The following WWOX variants were observed in gnomAD, a reference collection of about 807,000 sequenced individuals.
WWOX encodes the protein WW domain containing oxidoreductase, also known as WW domain-containing oxidoreductase.
In WWOX, 69 loss-of-function variants were observed where a neutral mutation model predicts 46.2. The observed-to-expected ratio is 1.49, with a 90% CI of 1.23 to 1.82. The LOEUF (loss-of-function observed/expected upper bound fraction) is 1.82. Among genes scored for constraint, WWOX ranks in the 40% most tolerant of loss-of-function variants. The pLI is 0.00. For missense variants in WWOX, 919 were observed against 542.6 expected (o/e 1.69, Z -6.89); for synonymous variants, 359 against 202.6 (o/e 1.77, Z -6.56).
intron 5 of WWOX, among the ~76,000 whole-genome samples, chr16:78,216,910 AT>A (rs1255545867): frequency 6.6e-6 from 1 of 152,032 alleles, no homozygotes; most frequent in Non-Finnish European, 1.5e-5. Flanking sequence ...TTTAGTAGAG[AT>A]GGGGTTTCAC....
chr16:78,801,677 G>A (rs1051217499), intron 8 of WWOX, among the ~76,000 whole-genome samples: 1 of 152,170 alleles, frequency 6.6e-6, no homozygotes, highest in African/African-American at 2.4e-5. Context: ...GAGTTTTAAA[G>A]TGAGTGGTGA....
At position 78,363,484 on chromosome 16, in the gene WWOX, T is replaced by C. The variant is rs116926409; in HGVS notation, c.517-23376T>C. On this transcript the variant is annotated intron_variant, in intron 5 of 8. Transcript: ENST00000566780. ...TGTAGTGACAGTGTCTTGCTGTGTT[T>C]CCCAGGCTGTCCTTGAACTCCTGGG... Among the ~76,000 whole-genome samples the C allele has an allele frequency of 6.7e-3, 1,015 of 152,108 alleles. 11 individuals carry two copies. The highest frequency in any genetic ancestry group is 0.031 in the Middle Eastern group (9 of 294).
intron 8 of WWOX, among the ~76,000 whole-genome samples, chr16:78,690,157 G>A (rs150826741): frequency 9.0e-4 from 137 of 152,204 alleles, no homozygotes; most frequent in Non-Finnish European, 1.5e-3. Context: ...CACCGAGCCC[G>A]GCCAGGATAA....
chr16:78,568,627 C>T (rs931369911), intron 8 of WWOX, among the ~76,000 whole-genome samples: 3 of 151,888 alleles, frequency 2.0e-5, no homozygotes, highest in African/African-American at 2.4e-5. Flanking sequence ...AGGCACCCGC[C>T]GCCACACCCA....
At chr16:78,740,325 C>T (rs1032093983) in intron 8 of WWOX, among the ~76,000 whole-genome samples, 1 of 152,142 alleles carries the variant, frequency 6.6e-6, no homozygotes, top group Non-Finnish European at 1.5e-5. Context: ...CGGGGGGCTC[C>T]TGAGAGTTAA....
At chr16:79,172,282 G>A (rs2050714537) in intron 8 of WWOX, among the ~76,000 whole-genome samples, 1 of 152,174 alleles carries the variant, frequency 6.6e-6, no homozygotes, top group South Asian at 2.1e-4. Flanking sequence ...CATGGCACTT[G>A]GCACGTAGGA....
At chr16:79,011,135 C>CCACACACACACA (rs10611855) in intron 8 of WWOX, among the ~76,000 whole-genome samples, 4 of 146,316 alleles carry the variant, frequency 2.7e-5, no homozygotes, top group Non-Finnish European at 6.0e-5. Flanking sequence ...ACTCACACAT[C>CCACACACACACA]CACACACACA....
chr16:78,855,110 T>C (rs6564611), intron 8 of WWOX, among the ~76,000 whole-genome samples: 114,727 of 152,016 alleles, frequency 0.75, 44,263 homozygotes, highest in Middle Eastern at 0.88. Flanking sequence ...TACCTTTGTT[T>C]TTACAAGTGT....
At chr16:78,176,794 A>G (rs1328297483) in intron 5 of WWOX, among the ~76,000 whole-genome samples, 1 of 152,238 alleles carries the variant, frequency 6.6e-6, no homozygotes, top group African/African-American at 2.4e-5. Context: ...TCAAATTGCA[A>G]GCAATAAGAA....
intron 8 of WWOX, among the ~76,000 whole-genome samples, chr16:78,447,011 T>G (rs1026224544): frequency 6.6e-6 from 1 of 152,166 alleles, no homozygotes; most frequent in African/African-American, 2.4e-5. Context: ...TTTGTTATAC[T>G]GGAAGGTCAT....
At chr16:78,841,175 C>A (rs1301782839) in intron 8 of WWOX, among the ~76,000 whole-genome samples, 1 of 152,152 alleles carries the variant, frequency 6.6e-6, no homozygotes, top group Non-Finnish European at 1.5e-5. Context: ...ACTGGGTCTT[C>A]CAGAAATGCA....
chr16:78,547,241 T>C (rs2667648), intron 8 of WWOX, among the ~76,000 whole-genome samples: 104,850 of 151,384 alleles, frequency 0.69, 37,493 homozygotes, highest in East Asian at 0.82. Context: ...GCCTTTACAT[T>C]GGAGACACTA....
chr16:78,688,262 A>C (rs1339256504), intron 8 of WWOX, among the ~76,000 whole-genome samples: 1 of 151,482 alleles, frequency 6.6e-6, no homozygotes, highest in African/African-American at 2.4e-5. Context: ...GCTTGGTTTT[A>C]TTTCTTGTTG....
At chr16:78,784,711 C>G (rs1465375730) in intron 8 of WWOX, among the ~76,000 whole-genome samples, 5 of 152,144 alleles carry the variant, frequency 3.3e-5, no homozygotes, top group South Asian at 2.1e-4. Flanking sequence ...TGCCCCCAGT[C>G]AGGTGGTTGA....
chr16:78,825,181 TTCCA>T (rs2051615774), intron 8 of WWOX: 1 of 157,130 alleles, frequency 6.4e-6, no homozygotes, highest in African/African-American at 2.4e-5. Context: ...CCCAGGTGTG[TTCCA>T]TGGGCAGCGT....
At chr16:78,653,722 C>G (rs1217104330) in intron 8 of WWOX, among the ~76,000 whole-genome samples, 5 of 152,180 alleles carry the variant, frequency 3.3e-5, no homozygotes. Flanking sequence ...ATTCAGCTGT[C>G]CTATGGGCCT....
chr16:78,280,197 T>C (rs1220404843), intron 5 of WWOX, among the ~76,000 whole-genome samples: 5 of 152,194 alleles, frequency 3.3e-5, no homozygotes, highest in Non-Finnish European at 7.3e-5. Flanking sequence ...CCAGTTTTTC[T>C]CCCCCACTTT....
At chr16:78,698,480 T>G (rs2142287515) in intron 8 of WWOX, among the ~76,000 whole-genome samples, 2 of 152,356 alleles carry the variant, frequency 1.3e-5, no homozygotes, top group Non-Finnish European at 2.9e-5. Context: ...CATTTCTTAT[T>G]ATTCTGTTTA....
At chr16:78,873,038 C>T (rs1290216047) in intron 8 of WWOX, 3 of 152,308 alleles carry the variant, frequency 2.0e-5, no homozygotes, top group East Asian at 1.9e-4. Context: ...CTCAAGCAGT[C>T]CTCCTGCTTT....
Sources: allele counts gnomAD v4.1 joint callset (sites outside exome capture counted in the v4.1 genomes callset), GRCh38; gene constraint gnomAD v4.1.1; transcripts MANE v1.5; gene names NCBI Gene and HGNC (gene_info 2026-07-23, HGNC 2026-07-21).